The following MB21D2 variants were observed in gnomAD, a reference collection of about 807,000 sequenced individuals.
MB21D2 encodes Mab-21 domain containing 2, also known as nucleotidyltransferase MB21D2.
MB21D2 carries 9 observed loss-of-function variants against 33.3 expected under a neutral mutation model. The observed-to-expected ratio is 0.27, with a 90% confidence interval of 0.16 to 0.47. The LOEUF (loss-of-function observed/expected upper bound fraction) is 0.47. MB21D2 is among the 20% of genes least tolerant of loss of function. The pLI, the probability that MB21D2 is intolerant of heterozygous loss-of-function variation, is 0.99. For synonymous variants in MB21D2, 241 were observed against 236.3 expected, an observed-to-expected ratio of 1.02 and a Z score of -0.18; for missense variants, 540 against 624.6, an observed-to-expected ratio of 0.86 and a Z score of 1.44.
At chr3:192,838,033 T>A (rs1457531468) in intron 1 of MB21D2, among the ~76,000 whole-genome samples, 2 of 152,236 alleles carry the variant, frequency 1.3e-5, no homozygotes, top group Non-Finnish European at 2.9e-5. Flanking sequence ...GAGCTGCATA[T>A]CTCCTGCACA....
At chr3:192,904,734 G>C (rs1714170627) in intron 1 of MB21D2, among the ~76,000 whole-genome samples, 1 of 152,236 alleles carries the variant, frequency 6.6e-6, no homozygotes, top group African/African-American at 2.4e-5. Context: ...GGCAGGTGTT[G>C]AAGGGCAGTG....
intron 1 of MB21D2, among the ~76,000 whole-genome samples, chr3:192,892,428 G>T (rs940726853): frequency 6.6e-6 from 1 of 152,188 alleles, no homozygotes; most frequent in African/African-American, 2.4e-5. Context: ...TAATTTAGGA[G>T]TTTGCTAAAC....
chr3:192,882,468 T>A (rs1441872867), intron 1 of MB21D2, among the ~76,000 whole-genome samples: 6 of 152,080 alleles, frequency 3.9e-5, no homozygotes, highest in South Asian at 4.1e-4. Flanking sequence ...ATGCAACACT[T>A]GGAAATAAGG....
intron 1 of MB21D2, among the ~76,000 whole-genome samples, chr3:192,880,968 T>C (rs1029789447): frequency 3.3e-5 from 5 of 152,040 alleles, no homozygotes; most frequent in South Asian, 2.1e-4. Flanking sequence ...ATAAAGAATG[T>C]ACACACAAAC....
chr3:192,806,146 T>C lies in MB21D2; in HGVS notation c.212-6496A>G, dbSNP rs546201386. ...CTTGTCCTCTCACCCAGGTACCCCATGGAATGAACAACCTGTACATCCTAG... is the reference window on the plus strand; with the variant it reads ...CTTGTCCTCTCACCCAGGTACCCCACGGAATGAACAACCTGTACATCCTAG... On this transcript the variant is annotated intron_variant, in intron 1 of 1. Transcript: ENST00000392452. Among the ~76,000 whole-genome samples the C allele has an allele frequency of 2.1e-3, 315 of 152,314 alleles. 1 individual carries two copies. The highest frequency in any genetic ancestry group is 3.5e-3 in the Non-Finnish European group (239 of 68,026).
At chr3:192,908,399 CTTT>C (rs201114331) in intron 1 of MB21D2, among the ~76,000 whole-genome samples, 4 of 137,838 alleles carry the variant, frequency 2.9e-5, no homozygotes. Flanking sequence ...AAATTTTCTT[CTTT>C]TTTTTTTTTT....
intron 1 of MB21D2, among the ~76,000 whole-genome samples, chr3:192,832,206 C>T (rs971978818): frequency 2.0e-5 from 3 of 152,180 alleles, no homozygotes; most frequent in African/African-American, 7.2e-5. Flanking sequence ...GCAGTTCTTA[C>T]GAACACACAA....
chr3:192,872,398 A>G (rs1278093304), intron 1 of MB21D2, among the ~76,000 whole-genome samples: 1 of 152,052 alleles, frequency 6.6e-6, no homozygotes, highest in African/African-American at 2.4e-5. Flanking sequence ...AACACGGTGA[A>G]AACCCGTCTC....
At chr3:192,824,554 G>T (rs1233234322) in intron 1 of MB21D2, among the ~76,000 whole-genome samples, 6 of 152,000 alleles carry the variant, frequency 3.9e-5, no homozygotes, top group Non-Finnish European at 8.8e-5. Context: ...CAATTGCCTT[G>T]TGTGAAATGA....
intron 1 of MB21D2, among the ~76,000 whole-genome samples, chr3:192,845,323 A>G (rs1236445444): frequency 6.6e-6 from 1 of 152,230 alleles, no homozygotes; most frequent in Non-Finnish European, 1.5e-5. Flanking sequence ...TACCATTCCT[A>G]AGTCAGGCAA....
chr3:192,849,922 C>CTT lies in MB21D2; in HGVS notation c.212-50274_212-50273dup, dbSNP rs58263373. 2.4e-3 allele frequency among the ~76,000 whole-genome samples: 330 copies of CTT among 139,896 alleles called. 4 individuals carry two copies. The highest frequency in any genetic ancestry group is 4.7e-3 in the Admixed American group (65 of 13,830). The allele number at this position is 139,896 out of a possible 152,430, so 91.8% of individuals were successfully genotyped here. A position where few individuals can be genotyped will look rare whatever the true frequency, so the allele number is the denominator to read the frequency against. On this transcript the variant is annotated intron_variant, in intron 1 of 1. Transcript: ENST00000392452. The stretch of plus-strand genomic sequence containing the variant: ...CAGAAACATGTCATATAAAAATTTT[C>CTT]TTTTTTTTTTTTTTTCGAGACAGTC...
Position 192,797,358 on chromosome 3 carries a change from G to C in MB21D2, c.*1028C>G, listed in dbSNP as rs1198229615. ...TGACCCCAAAAGAAATAAATACAAA[G>C]ACACCTACTTCATCAAGTGTATATT... On this transcript the variant is annotated 3_prime_UTR_variant, in exon 2 of 2. Transcript: ENST00000392452. The C allele has an allele frequency of 6.6e-6, 1 of 152,544 alleles. No homozygotes were observed. The highest frequency in any genetic ancestry group is 1.5e-5 in the Non-Finnish European group (1 of 68,022). 9.4% of individuals were successfully genotyped at this position (152,544 alleles called of 1,614,324 possible).
At chr3:192,852,167 C>T (rs529167592) in intron 1 of MB21D2, among the ~76,000 whole-genome samples, 63 of 152,298 alleles carry the variant, frequency 4.1e-4, no homozygotes, top group Admixed American at 3.0e-3. Flanking sequence ...AAATATGGGG[C>T]GAGATGCCTC....
intron 1 of MB21D2, among the ~76,000 whole-genome samples, chr3:192,905,016 A>T (rs73068315): frequency 0.037 from 5,620 of 152,330 alleles, 309 homozygotes; most frequent in African/African-American, 0.12. Context: ...CAGGCTGTGC[A>T]CACCAAGGGC....
intron 1 of MB21D2, among the ~76,000 whole-genome samples, chr3:192,859,652 T>G (rs1161554592): frequency 6.6e-6 from 1 of 152,120 alleles, no homozygotes; most frequent in African/African-American, 2.4e-5. Flanking sequence ...TCAGACATAT[T>G]AGGTACTCAA....
intron 1 of MB21D2, among the ~76,000 whole-genome samples, chr3:192,837,969 A>C (rs9833944): frequency 0.62 from 93,864 of 152,170 alleles, 31,209 homozygotes; most frequent in African/African-American, 0.87. Flanking sequence ...GGATTTATAA[A>C]AATAAACACT....
At chr3:192,853,878 T>G (rs1423730856) in intron 1 of MB21D2, among the ~76,000 whole-genome samples, 1 of 152,230 alleles carries the variant, frequency 6.6e-6, no homozygotes, top group Non-Finnish European at 1.5e-5. Context: ...TTATTATATG[T>G]TATGGTGATC....
chr3:192,802,997 G>A (rs1404255238), intron 1 of MB21D2, among the ~76,000 whole-genome samples: 1 of 152,134 alleles, frequency 6.6e-6, no homozygotes, highest in African/African-American at 2.4e-5. Flanking sequence ...AACTGGCTTT[G>A]AGCCCACCAA....
chr3:192,844,363 C>A (rs1264132505), intron 1 of MB21D2, among the ~76,000 whole-genome samples: 1 of 152,128 alleles, frequency 6.6e-6, no homozygotes, highest in Non-Finnish European at 1.5e-5. Flanking sequence ...TCTTCATCAC[C>A]CTGTCATGAG....
Sources: gnomAD v4.1 joint callset for allele counts (sites outside exome capture counted in the v4.1 genomes callset) on GRCh38, gnomAD v4.1.1 for gene constraint, MANE v1.5 for transcripts, NCBI Gene and HGNC (gene_info 2026-07-23, HGNC 2026-07-21) for gene names.